The following TMCO6 variants were observed in gnomAD, a reference collection of about 807,000 sequenced individuals.
TMCO6 encodes transmembrane and coiled-coil domain-containing protein 6.
A neutral mutation model predicts 61.8 loss-of-function variants in TMCO6; 47 were observed. The ratio of observed to expected loss-of-function variants is 0.76; its 90% CI spans 0.60 to 0.97. The LOEUF is 0.97. TMCO6 is among the 50% of genes least tolerant of loss of function. TMCO6 has a pLI of 0.00. For synonymous variants in TMCO6, 261 were observed against 254.2 expected (o/e 1.03, Z -0.25); for missense variants, 557 against 601.6 (o/e 0.93, Z 0.78).
At chr5:140,604,785 T>C in the TMCO6 span, among the ~76,000 whole-genome samples, 6 of 151,756 alleles carry the variant, frequency 4.0e-5, no homozygotes, top group East Asian at 9.6e-4. Context: ...TTTCTCTTTT[T>C]TTTTTTTTTT....
chr5:140,645,303 A>C lies in TMCO6; in HGVS notation c.*205A>C, dbSNP rs1581472802. 1 of 716,408 alleles carries C rather than the reference A, an allele frequency of 1.4e-6. No individual in the cohort carries two copies. Among genetic ancestry groups the C allele is most frequent in the South Asian group, 1.6e-5 (1 of 62,162 alleles). The allele number at this position is 716,408 out of a possible 1,614,324, so 44.4% of individuals were successfully genotyped here. A position where few individuals can be genotyped will look rare whatever the true frequency, so the allele number is the denominator to read the frequency against. On this transcript the variant is annotated 3_prime_UTR_variant, in exon 12 of 12. Coordinates refer to ENST00000394671, the MANE Select transcript of TMCO6 (RefSeq NM_018502.5). ...AAAAGGGACTCAGTGTGGTCTACTTACTCTGGGGCCCTAGAATCCCTGCCC... is the reference window on the plus strand; with the variant it reads ...AAAAGGGACTCAGTGTGGTCTACTTCCTCTGGGGCCCTAGAATCCCTGCCC...
chr5:140,619,286 T>G, the TMCO6 span, among the ~76,000 whole-genome samples: 1 of 152,220 alleles, frequency 6.6e-6, no homozygotes, highest in Admixed American at 6.5e-5. Flanking sequence ...ACAGCTACTT[T>G]AAGTTCCAGC....
the TMCO6 span, among the ~76,000 whole-genome samples, chr5:140,626,962 T>G: frequency 3.3e-5 from 5 of 152,348 alleles, no homozygotes; most frequent in Middle Eastern, 3.4e-3. Context: ...TTAGCCAGTA[T>G]GTCCACAGAC....
At chr5:140,644,816 A>AACT in intron 11 of TMCO6, 76 bp downstream of exon 11, 3 of 1,578,592 alleles carry the variant, frequency 1.9e-6, no homozygotes, top group Non-Finnish European at 2.6e-6. Context: ...ATCCAGTCCT[A>AACT]ACTATAGTTG....
chr5:140,644,803 C>T (rs1757296905), intron 11 of TMCO6, 63 bp downstream of exon 11: 1 of 1,591,658 alleles, frequency 6.3e-7, no homozygotes, highest in Admixed American at 1.7e-5. Flanking sequence ...TGGCTCCCTT[C>T]CCATCCAGTC....
chr5:140,623,016 C>T, the TMCO6 span, among the ~76,000 whole-genome samples: 1 of 152,156 alleles, frequency 6.6e-6, no homozygotes, highest in East Asian at 1.9e-4. Context: ...CCATGTCTGG[C>T]TTTGATTTTG....
downstream of TMCO6, chr5:140,647,122 A>G: frequency 1.0e-6 from 1 of 993,366 alleles, no homozygotes; most frequent in Non-Finnish European, 1.4e-6. Context: ...CTTCATGGAA[A>G]CAAGATCAAC....
rs752590033 is a variant in TMCO6, at chr5:140,641,920, C to T, written c.365C>T (p.Ala122Val). 1 of 1,613,694 alleles carries T rather than the reference C, an allele frequency of 6.2e-7. No individual in the cohort carries two copies. The highest frequency in any genetic ancestry group is 8.5e-7 in the Non-Finnish European group (1 of 1,179,630). The stretch of plus-strand genomic sequence containing the variant: ...GTCGGGCTCCTGACCAGCAACCAGG[C>T]CCTGCTGCAGCTTGAGGCGGCTCGG... ...TLVGLLTSNQALLQLEAARCL... is the reference protein window; with the variant it reads ...TLVGLLTSNQVLLQLEAARCL... The change falls in exon 4 of 12, where the codon GCC becomes GTC. Residue 122 changes from alanine (A) to valine (V), a missense_variant. Transcript: ENST00000394671.
chr5:140,598,325 TC>T, the TMCO6 span, among the ~76,000 whole-genome samples: 1 of 151,956 alleles, frequency 6.6e-6, no homozygotes, highest in Non-Finnish European at 1.5e-5. Context: ...CGCCTCGTCC[TC>T]CCAAAGTGCT....
rs2149789021 is a variant in TMCO6 at position 140,639,514 on chromosome 5, C to T, written c.-14C>T. 1 of 1,549,540 alleles carries T rather than the reference C, an allele frequency of 6.5e-7. No individual in the cohort carries two copies. The highest frequency in any genetic ancestry group is 2.4e-5 in the East Asian group (1 of 40,898). On this transcript the variant is annotated 5_prime_UTR_variant, in exon 1 of 12. Transcript: ENST00000394671. ...GGCTGCTGTTTCCTTCGGCTTTCCT[C>T]CTCCTGCTCCACCATGTGGAGCCGA...
rs1361951556 is a variant in TMCO6 at position 140,642,626 on chromosome 5, T to C, written c.644T>C (p.Leu215Ser). 1.2e-6 allele frequency: 2 copies of C among 1,614,250 alleles called. No individual in the cohort carries two copies. Among genetic ancestry groups the C allele is most frequent in the South Asian group, 1.1e-5 (1 of 91,088 alleles). ...GTGCTGGAAGCTCTCGGATATGCCT[T>C]GTCCCAGCTTCTACAGGCTGAGGAA... Reference protein sequence around the residue: ...VAVLEALGYALSQLLQAEEAP... With the variant: ...VAVLEALGYASSQLLQAEEAP... Residue 215 changes from leucine to serine, a missense_variant, in exon 6 of 12, where the codon TTG (leucine) becomes TCG (serine). Leu to Ser is a moderately radical substitution (Grantham distance 145, BLOSUM62 -2). Coordinates refer to ENST00000394671, the MANE Select transcript of TMCO6 (RefSeq NM_018502.5).
the TMCO6 span, among the ~76,000 whole-genome samples, chr5:140,599,045 T>C: frequency 1.3e-5 from 2 of 152,216 alleles, no homozygotes; most frequent in Admixed American, 6.5e-5. Flanking sequence ...ACCAGCTATG[T>C]GTGAGGCCTT....
chr5:140,624,022 C>T, the TMCO6 span, among the ~76,000 whole-genome samples: 1 of 152,200 alleles, frequency 6.6e-6, no homozygotes, highest in East Asian at 1.9e-4. Flanking sequence ...TTTTCTTAAA[C>T]AGCTTTATAT....
the TMCO6 span, among the ~76,000 whole-genome samples, chr5:140,606,228 G>A: frequency 2.6e-3 from 386 of 148,798 alleles, 1 homozygote; most frequent in African/African-American, 9.1e-3. Flanking sequence ...AGTGGTGTGC[G>A]GCCTTGAACT....
At chr5:140,647,655 T>G, downstream of TMCO6, 4 of 1,559,182 alleles carry the variant, frequency 2.6e-6, no homozygotes, top group Non-Finnish European at 3.5e-6. Context: ...CCGCGGACCC[T>G]AAAGCCTAGC....
At chr5:140,632,210 G>T in the TMCO6 span, 1 of 1,613,564 alleles carries the variant, frequency 6.2e-7, no homozygotes, top group Non-Finnish European at 8.5e-7. This position sits in a 1 kb window ranked among gnomAD's most constrained non-coding sequence, Gnocchi z 6.2. Context: ...GCAGCGAGTT[G>T]TGGCTGAGGT....
At chr5:140,643,360 C>T (rs927000117) in intron 7 of TMCO6, 8 of 611,186 alleles carry the variant, frequency 1.3e-5, no homozygotes, top group Non-Finnish European at 1.4e-5. Flanking sequence ...CTATGCCCGG[C>T]TAATTTTTGT....
chr5:140,606,824 G>A, the TMCO6 span, among the ~76,000 whole-genome samples: 1 of 152,122 alleles, frequency 6.6e-6, no homozygotes, highest in African/African-American at 2.4e-5. Flanking sequence ...AGCTACTCGG[G>A]AGGCTGAAGA....
the TMCO6 span, chr5:140,632,497 C>A: frequency 2.5e-6 from 4 of 1,613,976 alleles, no homozygotes; most frequent in Admixed American, 6.7e-5. This position sits in a 1 kb window ranked among gnomAD's most constrained non-coding sequence, Gnocchi z 6.2. Flanking sequence ...TGCTGCAGCT[C>A]GGCGAGCCAA....
Sources: gnomAD v4.1 joint callset for allele counts (sites outside exome capture counted in the v4.1 genomes callset) on GRCh38, gnomAD v4.1.1 for gene constraint, Gnocchi (gnomAD v3.1) non-coding constraint, MANE v1.5 for transcripts, NCBI Gene and HGNC (gene_info 2026-07-23, HGNC 2026-07-21) for gene names.